KLF12: variants seen among roughly 807,000 people sequenced by gnomAD.
The protein encoded by KLF12 is KLF transcription factor 12.
KLF12 carries 9 observed loss-of-function variants against 37.8 expected under a neutral mutation model. The observed-to-expected ratio is 0.24, with a 90% CI of 0.14 to 0.42. The LOEUF (loss-of-function observed/expected upper bound fraction) is 0.42. KLF12 is among the 10% of genes least tolerant of loss of function. KLF12 has a pLI of 1.00. For synonymous variants in KLF12, 208 were observed against 202.1 expected (o/e 1.03, Z -0.25); for missense variants, 411 against 516.0 (o/e 0.80, Z 1.97).
At chr13:73,720,822 C>T (rs1015882344) in intron 6 of KLF12, among the ~76,000 whole-genome samples, 2 of 152,106 alleles carry the variant, frequency 1.3e-5, no homozygotes, top group African/African-American at 4.8e-5. Flanking sequence ...AAAGACCACT[C>T]GTCATGTGTG....
chr13:73,821,891 C>T (rs1883545577), intron 4 of KLF12, among the ~76,000 whole-genome samples: 1 of 152,192 alleles, frequency 6.6e-6, no homozygotes, highest in Non-Finnish European at 1.5e-5. Flanking sequence ...ACATGCATCT[C>T]TCCTTTTTAA....
intron 3 of KLF12, among the ~76,000 whole-genome samples, chr13:73,935,362 A>C (rs1889881764): frequency 6.6e-6 from 1 of 152,018 alleles, no homozygotes; most frequent in Non-Finnish European, 1.5e-5. Flanking sequence ...AATGTCATCC[A>C]CTGTATTTTT....
chr13:74,299,077 C>T, the KLF12 span, among the ~76,000 whole-genome samples: 5 of 152,290 alleles, frequency 3.3e-5, 1 homozygote, highest in South Asian at 1.0e-3. Flanking sequence ...CACATAGGCC[C>T]ATCTGCAGGA....
intron 6 of KLF12, among the ~76,000 whole-genome samples, chr13:73,759,577 A>AAATT (rs1337337038): frequency 6.6e-6 from 1 of 152,182 alleles, no homozygotes; most frequent in African/African-American, 2.4e-5. Context: ...GTAATGAATT[A>AAATT]AACATTCACA....
At chr13:73,919,349 T>C (rs1195866192) in intron 3 of KLF12, among the ~76,000 whole-genome samples, 1 of 152,100 alleles carries the variant, frequency 6.6e-6, no homozygotes, top group Non-Finnish European at 1.5e-5. Context: ...TAACAAAACC[T>C]AACAGTAACT....
chr13:73,840,924 G>A (rs1445956408), intron 4 of KLF12, among the ~76,000 whole-genome samples: 1 of 152,000 alleles, frequency 6.6e-6, no homozygotes, highest in East Asian at 1.9e-4. Context: ...CTTTGAACCT[G>A]CAGCTCTCTC....
chr13:73,829,457 A>T (rs996242045), intron 4 of KLF12, among the ~76,000 whole-genome samples: 2 of 152,280 alleles, frequency 1.3e-5, no homozygotes, highest in South Asian at 4.2e-4. Flanking sequence ...TAACAAGTCA[A>T]CTAGTTTCAT....
chr13:73,960,642 A>G (rs949863964), intron 2 of KLF12, among the ~76,000 whole-genome samples: 4 of 152,312 alleles, frequency 2.6e-5, no homozygotes, highest in African/African-American at 9.6e-5. Flanking sequence ...TACAGTTACA[A>G]TTTAACTAAT....
chr13:73,922,395 G>A (rs1593731103), intron 3 of KLF12, among the ~76,000 whole-genome samples: 1 of 152,162 alleles, frequency 6.6e-6, no homozygotes, highest in South Asian at 2.1e-4. Context: ...CCATGGAAAA[G>A]ACTGGCAAAA....
At chr13:73,769,834 G>A (rs1413928477) in intron 5 of KLF12, among the ~76,000 whole-genome samples, 1 of 152,196 alleles carries the variant, frequency 6.6e-6, no homozygotes, top group East Asian at 1.9e-4. Flanking sequence ...ATAAATTAGA[G>A]AGGCTGTTTC....
intron 2 of KLF12, among the ~76,000 whole-genome samples, chr13:73,992,367 T>C (rs577270959): frequency 8.5e-5 from 13 of 152,280 alleles, no homozygotes; most frequent in Non-Finnish European, 1.3e-4. Flanking sequence ...TAAAGGCAGA[T>C]GGTAAAGGGA....
chr13:73,865,112 C>A (rs1048411851), intron 3 of KLF12, among the ~76,000 whole-genome samples: 2 of 152,058 alleles, frequency 1.3e-5, no homozygotes, highest in Non-Finnish European at 2.9e-5. Context: ...AACTTGATTG[C>A]CTAAATTCCA....
intron 2 of KLF12, among the ~76,000 whole-genome samples, chr13:73,947,739 T>A (rs1245607517): frequency 6.6e-6 from 1 of 151,852 alleles, no homozygotes; most frequent in Non-Finnish European, 1.5e-5. Context: ...CAACAGTCGT[T>A]GATCCCAACA....
At chr13:74,121,013 T>TTA (rs1459685008) in intron 1 of KLF12, among the ~76,000 whole-genome samples, 3 of 152,008 alleles carry the variant, frequency 2.0e-5, no homozygotes, top group African/African-American at 7.2e-5. Context: ...AGAAACCCAA[T>TTA]TATACAAAAA....
chr13:73,895,822 CTTTT>C (rs201728570), intron 3 of KLF12, among the ~76,000 whole-genome samples: 85 of 144,012 alleles, frequency 5.9e-4, no homozygotes, highest in Admixed American at 8.3e-4. Context: ...CCATGGAATT[CTTTT>C]TTTTTTTTTT....
At chr13:73,889,686 C>T (rs1431205011) in intron 3 of KLF12, among the ~76,000 whole-genome samples, 2 of 152,072 alleles carry the variant, frequency 1.3e-5, no homozygotes, top group East Asian at 3.9e-4. Flanking sequence ...ATTTTTGGCA[C>T]ATTTTATATA....
intron 3 of KLF12, among the ~76,000 whole-genome samples, chr13:73,904,249 C>G (rs1888167120): frequency 6.6e-6 from 1 of 152,104 alleles, no homozygotes. Flanking sequence ...AATCCACTAC[C>G]CGACACGTCC....
chr13:74,254,276 C>G, the KLF12 span, among the ~76,000 whole-genome samples: 14 of 152,090 alleles, frequency 9.2e-5, no homozygotes, highest in African/African-American at 3.1e-4. Context: ...GGCCATGAGA[C>G]AGAAAATGAA....
intron 7 of KLF12, among the ~76,000 whole-genome samples, chr13:73,706,590 A>C (rs1443378253): frequency 6.6e-6 from 1 of 152,142 alleles, no homozygotes; most frequent in African/African-American, 2.4e-5. Flanking sequence ...TACCAATCCA[A>C]ATTTTTTGTT....
Sources: allele counts gnomAD v4.1 joint callset (sites outside exome capture counted in the v4.1 genomes callset), GRCh38; gene constraint gnomAD v4.1.1; transcripts MANE v1.5; gene names NCBI Gene and HGNC (gene_info 2026-07-23, HGNC 2026-07-21).